ADAM12: variants seen among roughly 807,000 people sequenced by gnomAD.
ADAM12 encodes ADAM metallopeptidase domain 12, also known as disintegrin and metalloproteinase domain-containing protein 12.
ADAM12 carries 70 observed loss-of-function variants against 106.4 expected under a neutral mutation model. The observed-to-expected ratio is 0.66, with a 90% confidence interval of 0.54 to 0.80. The LOEUF (loss-of-function observed/expected upper bound fraction) is 0.80. Among genes scored for constraint, ADAM12 ranks in the 30% least tolerant of loss-of-function variants. ADAM12 has a pLI of 0.00. For missense variants in ADAM12, 1,010 were observed against 1,171.9 expected, an observed-to-expected ratio of 0.86 and a Z score of 2.02; for synonymous variants, 420 against 433.5, an observed-to-expected ratio of 0.97 and a Z score of 0.39.
chr10:126,072,002 A>G (rs1339878746), intron 11 of ADAM12, among the ~76,000 whole-genome samples: 4 of 152,364 alleles, frequency 2.6e-5, no homozygotes, highest in African/African-American at 9.6e-5. Context: ...GTGAATTCGT[A>G]GGGACTGTAG....
At chr10:126,218,071 T>C (rs1440325013) in intron 3 of ADAM12, among the ~76,000 whole-genome samples, 1 of 152,024 alleles carries the variant, frequency 6.6e-6, no homozygotes, top group Non-Finnish European at 1.5e-5. Flanking sequence ...TTTTTGGTAC[T>C]AGGTACTTCA....
intron 3 of ADAM12, among the ~76,000 whole-genome samples, chr10:126,157,804 G>A (rs1292255894): frequency 6.6e-6 from 1 of 151,574 alleles, no homozygotes; most frequent in East Asian, 2.0e-4. Flanking sequence ...GGCTGCCTGG[G>A]CAGGCTCATT....
chr10:126,071,779 A>G, intron 11 of ADAM12, 125 bp from the exon 12 acceptor site: 1 of 990,096 alleles, frequency 1.0e-6, no homozygotes, highest in Non-Finnish European at 1.5e-6. Flanking sequence ...GGTCTCAATG[A>G]ACAATGCATA....
intron 3 of ADAM12, among the ~76,000 whole-genome samples, chr10:126,157,030 T>TGG (rs1409441359): frequency 5.9e-5 from 9 of 151,492 alleles, no homozygotes; most frequent in Admixed American, 5.2e-4. Flanking sequence ...TGTGTGTGTG[T>TGG]GTGGGGGGGT....
At chr10:126,042,700 C>G in intron 18 of ADAM12, among the ~76,000 whole-genome samples, 1 of 152,218 alleles carries the variant, frequency 6.6e-6, no homozygotes, top group East Asian at 1.9e-4. Flanking sequence ...CCCTACCACA[C>G]AGATGTCGGC....
At chr10:126,132,529 C>A (rs575746973) in intron 5 of ADAM12, among the ~76,000 whole-genome samples, 95 of 140,532 alleles carry the variant, frequency 6.8e-4, no homozygotes, top group Middle Eastern at 3.4e-3. Context: ...TGAACACCCC[C>A]CCCCCCTCAA....
intron 14 of ADAM12, among the ~76,000 whole-genome samples, chr10:126,050,741 T>A (rs1394580108): frequency 6.6e-6 from 1 of 152,220 alleles, no homozygotes; most frequent in Non-Finnish European, 1.5e-5. Flanking sequence ...TCTCATCAGC[T>A]ACTAGCAGAC....
intron 1 of ADAM12, among the ~76,000 whole-genome samples, chr10:126,347,244 G>C (rs192508862): frequency 1.3e-5 from 2 of 152,170 alleles, no homozygotes; most frequent in African/African-American, 2.4e-5. Context: ...CAGCATTTGC[G>C]TGTCTGTAAA....
At chr10:126,100,034 T>C (rs988570060) in intron 9 of ADAM12, among the ~76,000 whole-genome samples, 10 of 152,208 alleles carry the variant, frequency 6.6e-5, no homozygotes, top group East Asian at 3.9e-4. Context: ...TGTGTTATAA[T>C]AGAGCTATGC....
Position 126,155,258 on chromosome 10 carries a change from C to T in ADAM12, c.308G>A (p.Gly103Asp), listed in dbSNP as rs1442125611. The change falls in exon 4 of 23, where the codon GGT becomes GAT. Residue 103 changes from glycine (G) to aspartate (D), a missense_variant. Gly to Asp is a moderately conservative substitution (Grantham distance 94). Around this residue, in one of 3 missense-constraint regions of ADAM12, gnomAD observed 391 missense variants for 442.9 expected, o/e 0.88. Coordinates refer to ENST00000448723, the MANE Select transcript of ADAM12 (RefSeq NM_001288973.2). ...SFTETHYLQD[G>D]TDVSLARNYT... ...ATTTCGAGCGAGGGAGACATCAGTA[C>T]CGTCTTGCAGATAGTGGGTTTCCGT... The T allele has an allele frequency of 1.2e-6, 2 of 1,614,134 alleles. No homozygotes were observed. Among genetic ancestry groups the T allele is most frequent in the African/African-American group, 1.3e-5 (1 of 75,016 alleles).
chr10:126,355,489 T>C (rs1257710907), intron 1 of ADAM12, among the ~76,000 whole-genome samples: 1 of 152,216 alleles, frequency 6.6e-6, no homozygotes, highest in Non-Finnish European at 1.5e-5. Context: ...GGAATAAGCC[T>C]GAGAGACCTG....
At chr10:126,017,750 G>C (rs935623789) in intron 22 of ADAM12, among the ~76,000 whole-genome samples, 2 of 152,172 alleles carry the variant, frequency 1.3e-5, no homozygotes, top group Non-Finnish European at 2.9e-5. Context: ...ACTTTTACCA[G>C]GCGCAACATG....
intron 6 of ADAM12, among the ~76,000 whole-genome samples, chr10:126,110,272 T>G (rs1468775728): frequency 6.6e-6 from 1 of 152,172 alleles, no homozygotes; most frequent in African/African-American, 2.4e-5. Flanking sequence ...TTCAATGCAC[T>G]GTGGCTGTTC....
At chr10:126,139,644 G>A (rs577735249) in intron 4 of ADAM12, among the ~76,000 whole-genome samples, 15 of 152,016 alleles carry the variant, frequency 9.9e-5, no homozygotes, top group East Asian at 5.9e-4. Context: ...GATAGTGGGC[G>A]CTGGGGGTGG....
chr10:126,345,912 C>G (rs1221911336), intron 1 of ADAM12, among the ~76,000 whole-genome samples: 3 of 152,008 alleles, frequency 2.0e-5, no homozygotes, highest in Non-Finnish European at 2.9e-5. Context: ...ATTCTTTTCT[C>G]TTTTCTTATT....
chr10:126,380,952 A>T (rs916890400), intron 1 of ADAM12, among the ~76,000 whole-genome samples: 1 of 151,968 alleles, frequency 6.6e-6, no homozygotes. Flanking sequence ...CTGATACAAA[A>T]TTTTTTTTCT....
At chr10:126,019,061 T>C (rs370602257) in intron 22 of ADAM12, among the ~76,000 whole-genome samples, 16 of 152,204 alleles carry the variant, frequency 1.1e-4, no homozygotes, top group Non-Finnish European at 1.6e-4. Flanking sequence ...AGATCCTTCA[T>C]GAATGGTTTA....
intron 3 of ADAM12, among the ~76,000 whole-genome samples, chr10:126,189,031 G>A (rs545399890): frequency 3.4e-4 from 52 of 152,252 alleles, no homozygotes; most frequent in African/African-American, 1.2e-3. Context: ...GGTGCAGTGT[G>A]AGCCCTGTTG....
chr10:126,196,331 G>A (rs540342835), intron 3 of ADAM12, among the ~76,000 whole-genome samples: 2 of 152,288 alleles, frequency 1.3e-5, no homozygotes, highest in South Asian at 2.1e-4. Context: ...AACATGAGCC[G>A]GTTCTGGATG....
Sources: allele counts gnomAD v4.1 joint callset (sites outside exome capture counted in the v4.1 genomes callset), GRCh38; gene constraint gnomAD v4.1.1; regional missense constraint gnomAD v4.1.1; transcripts MANE v1.5; gene names NCBI Gene and HGNC (gene_info 2026-07-23, HGNC 2026-07-21).